Variants in ATP6V0E1 observed in about 807,000 individuals in gnomAD.
ATP6V0E1 encodes V-type proton ATPase subunit e 1.
Under a neutral mutation model 11.6 loss-of-function variants are expected in ATP6V0E1, and 4 were observed. The ratio of observed to expected loss-of-function variants is 0.35; its 90% CI spans 0.17 to 0.79. ATP6V0E1 has a LOEUF of 0.79. Ranked by LOEUF, ATP6V0E1 falls within the 30% of genes least tolerant of loss-of-function variation. The pLI is 0.54. For synonymous variants in ATP6V0E1, 36 were observed against 34.8 expected, an observed-to-expected ratio of 1.04 and a Z score of -0.13; for missense variants, 105 against 100.0, an observed-to-expected ratio of 1.05 and a Z score of -0.21.
chr5:173,010,859 T>A (rs1756309989), intron 2 of ATP6V0E1, among the ~76,000 whole-genome samples: 1 of 152,176 alleles, frequency 6.6e-6, no homozygotes, highest in Non-Finnish European at 1.5e-5. Flanking sequence ...TATATCTGAA[T>A]GTGGAACAGA....
chr5:173,025,717 C>T (rs1433662835), intron 3 of ATP6V0E1, among the ~76,000 whole-genome samples: 1 of 151,964 alleles, frequency 6.6e-6, no homozygotes, highest in African/African-American at 2.4e-5. Flanking sequence ...AGGCTGGTCT[C>T]AAACTCCTGA....
chr5:173,016,940 G>C (rs1184375347), intron 2 of ATP6V0E1, among the ~76,000 whole-genome samples: 1 of 152,130 alleles, frequency 6.6e-6, no homozygotes, highest in Non-Finnish European at 1.5e-5. Flanking sequence ...TGAACTATCT[G>C]TTTTGGCCTG....
intron 1 of ATP6V0E1, among the ~76,000 whole-genome samples, chr5:172,990,058 G>C (rs1240632554): frequency 6.6e-6 from 1 of 151,932 alleles, no homozygotes; most frequent in Non-Finnish European, 1.5e-5. Context: ...TGCTGGTCTT[G>C]AACTCCTGAC....
chr5:173,022,222 T>C (rs1185264475), intron 3 of ATP6V0E1, among the ~76,000 whole-genome samples: 1 of 152,184 alleles, frequency 6.6e-6, no homozygotes, highest in East Asian at 1.9e-4. Flanking sequence ...TAGATTTAGG[T>C]TCAAGTTTTT....
At chr5:172,996,650 CAG>C (rs1756072168) in intron 2 of ATP6V0E1, among the ~76,000 whole-genome samples, 1 of 151,738 alleles carries the variant, frequency 6.6e-6, no homozygotes, top group Non-Finnish European at 1.5e-5. Context: ...GATCAGATAT[CAG>C]AGTAAAAATA....
rs568751964 is a variant in ATP6V0E1 at position 173,018,396 on chromosome 5, T to A, written c.153-1842T>A. Among the ~76,000 whole-genome samples the A allele has an allele frequency of 7.9e-5, 12 of 151,968 alleles. No homozygotes were observed. In the South Asian group the frequency reaches 2.5e-3, roughly 32 times the overall value. ...GAGGGCTTGGTCCTGCTGTCTCAGG[T>A]GTGGTAGAGGCAGAAGAGGTGGAGG... On this transcript the variant is annotated intron_variant, in intron 2 of 3. Coordinates refer to ENST00000519374, the MANE Select transcript of ATP6V0E1 (RefSeq NM_003945.4).
intron 1 of ATP6V0E1, among the ~76,000 whole-genome samples, chr5:172,984,302 C>T (rs971137169): frequency 3.3e-5 from 5 of 152,176 alleles, no homozygotes; most frequent in Non-Finnish European, 4.4e-5. Flanking sequence ...AGTCGACTGT[C>T]CCCCTTTAGC....
chr5:173,034,001 G>A (rs6868972), intron 3 of ATP6V0E1, among the ~76,000 whole-genome samples: 23,003 of 152,144 alleles, frequency 0.15, 1,975 homozygotes, highest in African/African-American at 0.18. Context: ...CAAGGAGCCC[G>A]CTCCCCAGGA....
intron 2 of ATP6V0E1, among the ~76,000 whole-genome samples, chr5:173,009,212 C>T (rs1036381055): frequency 5.9e-5 from 9 of 151,664 alleles, no homozygotes; most frequent in Non-Finnish European, 1.0e-4. Flanking sequence ...GGCAACAGAG[C>T]GAGCCTGTCT....
At chr5:172,994,640 A>G in intron 1 of ATP6V0E1, 135 bp from the exon 2 acceptor site, 1 of 698,204 alleles carries the variant, frequency 1.4e-6, no homozygotes, top group Non-Finnish European at 2.4e-6. Context: ...TGGATATTTG[A>G]GCAAATACAG....
chr5:173,005,188 A>G (rs1756211474), intron 2 of ATP6V0E1, among the ~76,000 whole-genome samples: 1 of 151,370 alleles, frequency 6.6e-6, no homozygotes, highest in Non-Finnish European at 1.5e-5. Flanking sequence ...TTGGGATTTT[A>G]ATTGGGATTG....
At chr5:172,988,335 G>A (rs1441152712) in intron 1 of ATP6V0E1, among the ~76,000 whole-genome samples, 9 of 152,182 alleles carry the variant, frequency 5.9e-5, no homozygotes, top group Admixed American at 4.6e-4. Flanking sequence ...ATTGAGCAGT[G>A]TCTCTCCTAG....
rs1216669485 is a variant in ATP6V0E1, at chr5:173,012,035, T to TA, written c.153-8200dup. 7.2e-4 allele frequency among the ~76,000 whole-genome samples: 104 copies of TA among 144,646 alleles called. 1 individual carries two copies. Among genetic ancestry groups the TA allele is most frequent in the African/African-American group, 2.8e-3 (103 of 36,370 alleles). 94.9% of individuals were successfully genotyped at this position (144,646 alleles called of 152,430 possible). On this transcript the variant is annotated intron_variant, in intron 2 of 3. Transcript: ENST00000519374. ...AAACCAGACTAGACTGTTTCCTAGG[T>TA]AAATTTTTTTTTTTTTTTTTGAGTC...
intron 2 of ATP6V0E1, among the ~76,000 whole-genome samples, chr5:173,012,570 C>T (rs193188781): frequency 1.9e-3 from 284 of 151,312 alleles, no homozygotes; most frequent in African/African-American, 5.8e-3. Flanking sequence ...CTGACCAATA[C>T]GCAGAAACCC....
chr5:173,029,177 GGC>G (rs1306058631), intron 3 of ATP6V0E1, among the ~76,000 whole-genome samples: 5 of 152,146 alleles, frequency 3.3e-5, no homozygotes, highest in African/African-American at 1.2e-4. Flanking sequence ...GGGAAGACTG[GGC>G]TCCAAAGGGG....
intron 2 of ATP6V0E1, 46 bp from the exon 3 acceptor site, chr5:173,020,192 A>G (rs1405876434): frequency 6.7e-7 from 1 of 1,491,688 alleles, no homozygotes; most frequent in Non-Finnish European, 9.3e-7. Flanking sequence ...GTCATGTTCC[A>G]ACATGATTTC....
chr5:172,992,042 T>C (rs981868614), intron 1 of ATP6V0E1, among the ~76,000 whole-genome samples: 5 of 150,426 alleles, frequency 3.3e-5, no homozygotes, highest in African/African-American at 9.9e-5. Context: ...CTCTCTCTCT[T>C]TTCTTTCTTT....
At chr5:173,009,663 A>G (rs1756287621) in intron 2 of ATP6V0E1, among the ~76,000 whole-genome samples, 1 of 148,896 alleles carries the variant, frequency 6.7e-6, no homozygotes, top group Admixed American at 6.7e-5. Flanking sequence ...GAGTTTTTCC[A>G]TGTTGGCCAA....
chr5:173,028,459 A>C (rs1474887530), intron 3 of ATP6V0E1, among the ~76,000 whole-genome samples: 2 of 152,232 alleles, frequency 1.3e-5, no homozygotes, highest in African/African-American at 4.8e-5. Flanking sequence ...GGTTTAGTAC[A>C]TGATTCCTTT....
Sources: allele counts gnomAD v4.1 joint callset (sites outside exome capture counted in the v4.1 genomes callset), GRCh38; gene constraint gnomAD v4.1.1; transcripts MANE v1.5; gene names NCBI Gene and HGNC (gene_info 2026-07-23, HGNC 2026-07-21).